PDE1A: variants seen among roughly 807,000 people sequenced by gnomAD.
PDE1A encodes the protein phosphodiesterase 1A, also known as dual specificity calcium/calmodulin-dependent 3',5'-cyclic nucleotide phosphodiesterase 1A.
A neutral mutation model predicts 61.7 loss-of-function variants in PDE1A; 35 were observed. The observed-to-expected ratio is 0.57, with a 90% CI of 0.43 to 0.75. The LOEUF is 0.75. Ranked by LOEUF, PDE1A falls within the 30% of genes least tolerant of loss-of-function variation. The pLI is 0.00. For synonymous variants in PDE1A, 232 were observed against 213.2 expected, an observed-to-expected ratio of 1.09 and a Z score of -0.77; for missense variants, 597 against 630.6, an observed-to-expected ratio of 0.95 and a Z score of 0.57.
the PDE1A span, among the ~76,000 whole-genome samples, chr2:182,547,784 G>A: frequency 2.6e-5 from 4 of 152,118 alleles, no homozygotes; most frequent in Non-Finnish European, 5.9e-5. Context: ...TCTATGACTA[G>A]AATAAATACT....
chr2:182,578,907 A>T, the PDE1A span, among the ~76,000 whole-genome samples: 4 of 152,196 alleles, frequency 2.6e-5, no homozygotes, highest in Non-Finnish European at 5.9e-5. Context: ...CTATTATATA[A>T]TTTTTTAATC....
exon 15 of PDE1A, chr2:182,140,635 A>C (rs1690186536): frequency 6.6e-6 from 1 of 152,242 alleles, no homozygotes; most frequent in Admixed American, 6.5e-5. Flanking sequence ...ACTGCAAGAT[A>C]TATATGTTGG....
At chr2:182,693,637 C>CTTTTTTTTTTT in the PDE1A span, among the ~76,000 whole-genome samples, 3 of 123,428 alleles carry the variant, frequency 2.4e-5, no homozygotes, top group Non-Finnish European at 5.0e-5. Context: ...TGATAGTGTT[C>CTTTTTTTTTTT]TTTTTTTTTT....
chr2:182,650,558 C>T, the PDE1A span, among the ~76,000 whole-genome samples: 2 of 152,122 alleles, frequency 1.3e-5, no homozygotes, highest in Non-Finnish European at 2.9e-5. Flanking sequence ...ACTTTGATAA[C>T]CTTATTCCCC....
the PDE1A span, among the ~76,000 whole-genome samples, chr2:182,711,468 T>C: frequency 1.3e-5 from 2 of 151,950 alleles, no homozygotes; most frequent in African/African-American, 2.4e-5. Context: ...TGGAGGTGTA[T>C]ATGTGTGAGT....
chr2:182,195,883 G>A (rs1427644343), intron 10 of PDE1A, among the ~76,000 whole-genome samples: 2 of 151,988 alleles, frequency 1.3e-5, no homozygotes, highest in African/African-American at 2.4e-5. Flanking sequence ...TAATTTCTAG[G>A]ACATATGCAT....
At chr2:182,447,113 T>TC (rs1217927927) in intron 2 of PDE1A, among the ~76,000 whole-genome samples, 1 of 104,552 alleles carries the variant, frequency 9.6e-6, no homozygotes, top group Non-Finnish European at 1.9e-5. Context: ...AACTTTTTTT[T>TC]CACTTACACA....
chr2:182,470,536 G>A (rs1686960103), intron 2 of PDE1A, among the ~76,000 whole-genome samples: 1 of 151,754 alleles, frequency 6.6e-6, no homozygotes, highest in Non-Finnish European at 1.5e-5. Flanking sequence ...AGAGAAATAG[G>A]AAATTTCAAT....
At chr2:182,295,011 C>G (rs1392098378) in intron 1 of PDE1A, among the ~76,000 whole-genome samples, 1 of 146,986 alleles carries the variant, frequency 6.8e-6, no homozygotes, top group Non-Finnish European at 1.5e-5. Flanking sequence ...TTGGTTAAGT[C>G]TCCGTTTATT....
rs758178169 is a variant in PDE1A at position 182,176,683 on chromosome 2, C to T, written c.1517-8393G>A. Among the ~76,000 whole-genome samples, 1,143 of 139,354 alleles carry T rather than the reference C, an allele frequency of 8.2e-3. 6 individuals carry two copies. The highest frequency in any genetic ancestry group is 0.022 in the Middle Eastern group (6 of 270). The allele number at this position is 139,354 out of a possible 152,430, so 91.4% of individuals were successfully genotyped here. A position where few individuals can be genotyped will look rare whatever the true frequency, so the allele number is the denominator to read the frequency against. On this transcript the variant is annotated intron_variant, in intron 13 of 13. Coordinates refer to ENST00000351439, the Ensembl canonical transcript of PDE1A. The stretch of plus-strand genomic sequence containing the variant: ...CTAATTGAATACCCTTTATTTCCTT[C>T]TCCTGCCTAATTGCCCTGGCCAGAA...
At chr2:182,651,227 G>T in the PDE1A span, among the ~76,000 whole-genome samples, 1 of 152,106 alleles carries the variant, frequency 6.6e-6, no homozygotes, top group Non-Finnish European at 1.5e-5. Flanking sequence ...GCCTGGTCTT[G>T]AACTCCTGAC....
At chr2:182,359,971 C>T (rs1699406985) in intron 1 of PDE1A, among the ~76,000 whole-genome samples, 1 of 152,074 alleles carries the variant, frequency 6.6e-6, no homozygotes, top group Non-Finnish European at 1.5e-5. Flanking sequence ...ATAGAGCCCT[C>T]AAAATGGAAC....
At chr2:182,455,617 T>C (rs755832504) in intron 2 of PDE1A, among the ~76,000 whole-genome samples, 3 of 152,102 alleles carry the variant, frequency 2.0e-5, no homozygotes, top group Non-Finnish European at 4.4e-5. Context: ...GGGAGATGGA[T>C]GAAACCGGAA....
the PDE1A span, among the ~76,000 whole-genome samples, chr2:182,703,168 T>C: frequency 6.6e-6 from 1 of 152,220 alleles, no homozygotes; most frequent in Non-Finnish European, 1.5e-5. Flanking sequence ...ATATATTTAA[T>C]GTTACATAAA....
chr2:182,463,060 G>A (rs956705985), intron 2 of PDE1A, among the ~76,000 whole-genome samples: 2 of 151,848 alleles, frequency 1.3e-5, no homozygotes, highest in African/African-American at 4.8e-5. Flanking sequence ...GGCCAACGGG[G>A]AGAAACCCCG....
At chr2:182,666,428 A>G in the PDE1A span, among the ~76,000 whole-genome samples, 6 of 151,930 alleles carry the variant, frequency 3.9e-5, no homozygotes, top group African/African-American at 1.5e-4. Flanking sequence ...GACCAGCCTG[A>G]CCAACATGGT....
chr2:182,191,195 G>A (rs1049235435), intron 10 of PDE1A, among the ~76,000 whole-genome samples: 1 of 152,088 alleles, frequency 6.6e-6, no homozygotes, highest in African/African-American at 2.4e-5. Context: ...TTTGTCTGCA[G>A]TATGAGAGAT....
chr2:182,675,423 T>C, the PDE1A span, among the ~76,000 whole-genome samples: 1 of 152,210 alleles, frequency 6.6e-6, no homozygotes, highest in Admixed American at 6.5e-5. Context: ...AATATTCACA[T>C]GAATGTGTCT....
chr2:182,510,180 G>C (rs781466497), intron 2 of PDE1A, among the ~76,000 whole-genome samples: 1 of 151,956 alleles, frequency 6.6e-6, no homozygotes, highest in Non-Finnish European at 1.5e-5. Context: ...AATAAAATTT[G>C]ATCTTTTTAA....
Sources: gnomAD v4.1 joint callset for allele counts (sites outside exome capture counted in the v4.1 genomes callset) on GRCh38, gnomAD v4.1.1 for gene constraint, MANE v1.5 for transcripts, NCBI Gene and HGNC (gene_info 2026-07-23, HGNC 2026-07-21) for gene names.